ASB4: variants seen among roughly 807,000 people sequenced by gnomAD.
ASB4 encodes the protein ankyrin repeat and SOCS box containing 4.
A neutral mutation model predicts 38.6 loss-of-function variants in ASB4; 35 were observed. The observed-to-expected ratio is 0.91, with a 90% CI of 0.69 to 1.20. The LOEUF is 1.20. Ranked by LOEUF, ASB4 falls within the 50% of genes most tolerant of loss-of-function variation. The pLI, the probability that ASB4 is intolerant of heterozygous loss-of-function variation, is 0.00. For missense variants in ASB4, 557 were observed against 527.2 expected, an observed-to-expected ratio of 1.06 and a Z score of -0.55; for synonymous variants, 195 against 201.3, an observed-to-expected ratio of 0.97 and a Z score of 0.26.
the ASB4 span, among the ~76,000 whole-genome samples, chr7:95,472,921 AAC>A: frequency 6.6e-6 from 1 of 152,212 alleles, no homozygotes; most frequent in East Asian, 1.9e-4. Context: ...AGAAAAATCA[AAC>A]TGTCTCAGTA....
intron 2 of ASB4, among the ~76,000 whole-genome samples, chr7:95,518,965 A>G (rs1790623166): frequency 6.6e-6 from 1 of 152,214 alleles, no homozygotes; most frequent in African/African-American, 2.4e-5. Context: ...TCACGGGATG[A>G]CATAAATCTT....
the ASB4 span, chr7:95,471,880 T>TTTTTTTTTTTTTTGAG: frequency 2.7e-5 from 4 of 150,800 alleles, no homozygotes; most frequent in South Asian, 2.1e-4. Context: ...CTGCTTTTTT[T>TTTTTTTTTTTTTTGAG]AACAGATGAA....
chr7:95,521,857 A>C (rs1339676656), intron 2 of ASB4, among the ~76,000 whole-genome samples: 1 of 152,142 alleles, frequency 6.6e-6, no homozygotes, highest in African/African-American at 2.4e-5. Flanking sequence ...AGCAATGATA[A>C]GCATCAATTT....
intron 2 of ASB4, among the ~76,000 whole-genome samples, chr7:95,503,395 G>A (rs1480883293): frequency 6.6e-6 from 1 of 152,136 alleles, no homozygotes; most frequent in African/African-American, 2.4e-5. Context: ...CAGCTTCTTG[G>A]ACAGCGCTTG....
upstream of ASB4, among the ~76,000 whole-genome samples, chr7:95,481,472 G>A (rs1276462986): frequency 1.3e-5 from 2 of 152,164 alleles, no homozygotes; most frequent in East Asian, 3.8e-4. Flanking sequence ...TTCTGTAATA[G>A]CAAGGACATC....
At chr7:95,480,809 T>C (rs548371653) in intron 1 of ASB4, among the ~76,000 whole-genome samples, 16 of 152,344 alleles carry the variant, frequency 1.1e-4, no homozygotes, top group Non-Finnish European at 2.1e-4. Context: ...TTTAAGCCAA[T>C]ACATTTTGAG....
At chr7:95,550,120 C>G in the ASB4 span, among the ~76,000 whole-genome samples, 1 of 152,176 alleles carries the variant, frequency 6.6e-6, no homozygotes, top group Non-Finnish European at 1.5e-5. Flanking sequence ...ACAGGAACAT[C>G]CAGGTTCCCT....
At chr7:95,511,220 C>T (rs1585807155) in intron 2 of ASB4, among the ~76,000 whole-genome samples, 1 of 152,104 alleles carries the variant, frequency 6.6e-6, no homozygotes, top group East Asian at 1.9e-4. Context: ...CCTCTCTTTT[C>T]CAAGACAAAA....
chr7:95,518,701 T>C (rs189641294), intron 2 of ASB4, among the ~76,000 whole-genome samples: 7 of 152,324 alleles, frequency 4.6e-5, no homozygotes, highest in Admixed American at 3.9e-4. Context: ...AACAAGATGA[T>C]GTACAAATCT....
At chr7:95,492,220 C>T (rs2116583026) in intron 1 of ASB4, among the ~76,000 whole-genome samples, 1 of 152,248 alleles carries the variant, frequency 6.6e-6, no homozygotes, top group East Asian at 1.9e-4. Flanking sequence ...GCAGAAGAAA[C>T]TGACTGAGAG....
the ASB4 span, among the ~76,000 whole-genome samples, chr7:95,471,315 T>C: frequency 6.6e-6 from 1 of 152,188 alleles, no homozygotes; most frequent in Non-Finnish European, 1.5e-5. Flanking sequence ...TATTGTCCTC[T>C]TTCCTGCACG....
rs1392012476 is a variant in ASB4, at chr7:95,538,897, G to A, written c.*1138G>A. Reference sequence around the variant, plus strand: ...AAGAGATAAGGAGCACTTTGCTAGTGACAGTGGGCTACGAAAAGTAAATAG... The same window carrying A: ...AAGAGATAAGGAGCACTTTGCTAGTAACAGTGGGCTACGAAAAGTAAATAG... On this transcript the variant is annotated 3_prime_UTR_variant, in exon 5 of 5. Transcript: ENST00000325885. The A allele has an allele frequency of 6.6e-6, 1 of 152,194 alleles. No individual in the cohort carries two copies. The highest frequency in any genetic ancestry group is 2.4e-5 in the African/African-American group (1 of 41,446). The allele number at this position is 152,194 out of a possible 1,614,324, so 9.4% of individuals were successfully genotyped here.
At position 95,528,105 on chromosome 7, in the gene ASB4, C is replaced by G; in HGVS notation, c.780C>G (p.Ala260=). The G allele has an allele frequency of 1.9e-6, 3 of 1,614,228 alleles. No individual in the cohort carries two copies. Among genetic ancestry groups the G allele is most frequent in the Non-Finnish European group, 1.7e-6 (2 of 1,180,044 alleles). Residue 260 remains alanine (A), a synonymous_variant, in exon 3 of 5, where the codon GCC becomes GCG. Coordinates refer to ENST00000325885, the MANE Select transcript of ASB4 (RefSeq NM_016116.3). The stretch of plus-strand genomic sequence containing the variant: ...TTAAATCTCCCCTCCACAAGGCAGC[C>G]TGGAACTGTGACCACGTGCTCATGC... The part of the protein sequence containing the change: ...DDFKSPLHKA[A]WNCDHVLMHM...
the ASB4 span, among the ~76,000 whole-genome samples, chr7:95,549,421 C>G: frequency 6.6e-6 from 1 of 151,354 alleles, no homozygotes; most frequent in East Asian, 2.0e-4. Flanking sequence ...CTCAGCCTCC[C>G]TAGTAGCTGG....
rs758300456 is a variant in ASB4 at position 95,528,392 on chromosome 7, G to T, written c.978+89G>T. ...TCCAAGTAACTCAAGCTTGCTTGAG[G>T]CTTGAGTCCTGGGCTAACTACCTCT... On this transcript the variant is annotated intron_variant, in intron 3 of 4. Transcript: ENST00000325885. The T allele has an allele frequency of 8.3e-5, 132 of 1,588,766 alleles. 1 individual carries two copies. The highest frequency in any genetic ancestry group is 2.0e-5 in the Non-Finnish European group (23 of 1,170,318).
At chr7:95,516,156 T>G (rs1790580913) in intron 2 of ASB4, among the ~76,000 whole-genome samples, 2 of 152,208 alleles carry the variant, frequency 1.3e-5, no homozygotes, top group South Asian at 4.1e-4. Flanking sequence ...GGTTAACCTC[T>G]TTTTCAGTTG....
chr7:95,540,117 G>A lies in ASB4; in HGVS notation c.*2358G>A, dbSNP rs564530361. On this transcript the variant is annotated 3_prime_UTR_variant, in exon 5 of 5. Transcript: ENST00000325885. ...GTGCTTAAACACTTATGTTCATCTAGTGTAGAATACATGGCTACTTGTTTG... is the reference window on the plus strand; with the variant it reads ...GTGCTTAAACACTTATGTTCATCTAATGTAGAATACATGGCTACTTGTTTG... The A allele has an allele frequency of 3.3e-5, 5 of 152,268 alleles. No homozygotes were observed. The highest frequency in any genetic ancestry group is 2.1e-4 in the South Asian group (1 of 4,822). The allele number at this position is 152,268 out of a possible 1,614,324, so 9.4% of individuals were successfully genotyped here.
chr7:95,489,492 A>AT (rs1194740174), intron 1 of ASB4, among the ~76,000 whole-genome samples: 3 of 152,236 alleles, frequency 2.0e-5, no homozygotes. Context: ...TTTCTAAGTT[A>AT]TTTTAAGCTT....
downstream of ASB4, among the ~76,000 whole-genome samples, chr7:95,545,210 A>G (rs1791017338): frequency 6.6e-6 from 1 of 152,322 alleles, no homozygotes; most frequent in Admixed American, 6.5e-5. Flanking sequence ...AATCACAGCT[A>G]TGGAATTACA....
Sources: allele counts gnomAD v4.1 joint callset (sites outside exome capture counted in the v4.1 genomes callset), GRCh38; gene constraint gnomAD v4.1.1; transcripts MANE v1.5; gene names NCBI Gene and HGNC (gene_info 2026-07-23, HGNC 2026-07-21).